DCDC2: variants seen among roughly 807,000 people sequenced by gnomAD.
DCDC2 encodes the protein doublecortin domain containing 2.
In DCDC2, 40 loss-of-function variants were observed where a neutral mutation model predicts 50.2. That is an observed-to-expected ratio of 0.80 (90% confidence interval 0.62 to 1.04). The LOEUF (loss-of-function observed/expected upper bound fraction) is 1.04. Among genes scored for constraint, DCDC2 ranks in the 50% least tolerant of loss-of-function variants. The pLI, the probability that DCDC2 is intolerant of heterozygous loss-of-function variation, is 0.00. For synonymous variants in DCDC2, 234 were observed against 210.6 expected, an observed-to-expected ratio of 1.11 and a Z score of -0.96; for missense variants, 570 against 581.9, an observed-to-expected ratio of 0.98 and a Z score of 0.21.
intron 7 of DCDC2, among the ~76,000 whole-genome samples, chr6:24,260,265 G>A (rs899536756): frequency 7.9e-5 from 12 of 152,114 alleles, no homozygotes; most frequent in African/African-American, 2.2e-4. Flanking sequence ...TTATTAATGG[G>A]TTGCCGGTTC....
chr6:24,184,359 C>T (rs1186076124), intron 8 of DCDC2, among the ~76,000 whole-genome samples: 1 of 151,920 alleles, frequency 6.6e-6, no homozygotes, highest in Non-Finnish European at 1.5e-5. Context: ...ATTAACTGAG[C>T]TCGGGAGTTC....
At chr6:24,254,347 G>C (rs1438581873) in intron 7 of DCDC2, among the ~76,000 whole-genome samples, 2 of 152,038 alleles carry the variant, frequency 1.3e-5, no homozygotes, top group African/African-American at 2.4e-5. Context: ...TCAAGTATTA[G>C]GTACTATTCT....
chr6:24,265,540 A>G (rs1049753668), intron 7 of DCDC2, among the ~76,000 whole-genome samples: 7 of 152,218 alleles, frequency 4.6e-5, no homozygotes, highest in Non-Finnish European at 8.8e-5. Flanking sequence ...AAAAACTCAA[A>G]AAAAATTGAA....
At position 24,316,190 on chromosome 6, in the gene DCDC2, A is replaced by C. The variant is rs531102049; in HGVS notation, c.349-14146T>G. 2.6e-5 allele frequency among the ~76,000 whole-genome samples: 4 copies of C among 152,290 alleles called. No individual in the cohort carries two copies. The South Asian group carries it at 8.3e-4, about 32-fold the overall frequency. On this transcript the variant is annotated intron_variant, in intron 2 of 9. Coordinates refer to ENST00000378454, the MANE Select transcript of DCDC2 (RefSeq NM_016356.5). Reference sequence around the variant, plus strand: ...ATGCAGGCAGGCTGGGGCTCCATGAAGTCAGGGCTAGAGACACAGATGTGG... The same window carrying C: ...ATGCAGGCAGGCTGGGGCTCCATGACGTCAGGGCTAGAGACACAGATGTGG...
rs114851861 is a variant in DCDC2, at chr6:24,350,297, C to T, written c.348+3272G>A. Among the ~76,000 whole-genome samples, 579 of 152,256 alleles carry T rather than the reference C, an allele frequency of 3.8e-3. 3 individuals are homozygous for T. The highest frequency in any genetic ancestry group is 0.011 in the Admixed American group (174 of 15,292). On this transcript the variant is annotated intron_variant, in intron 2 of 9. Coordinates refer to ENST00000378454, the MANE Select transcript of DCDC2 (RefSeq NM_016356.5). ...TATTAACTACGTAAAAGCAACAAATCGTACCCATGGTCTTGGGTGAGCTGC... is the reference window on the plus strand; with the variant it reads ...TATTAACTACGTAAAAGCAACAAATTGTACCCATGGTCTTGGGTGAGCTGC...
chr6:24,375,016 A>T, the DCDC2 span, among the ~76,000 whole-genome samples: 16 of 152,280 alleles, frequency 1.1e-4, no homozygotes, highest in South Asian at 3.3e-3. Flanking sequence ...TGTCTTGGGA[A>T]TCCAAGTCTC....
chr6:24,299,759 A>T (rs939374899), intron 4 of DCDC2, among the ~76,000 whole-genome samples: 2 of 151,642 alleles, frequency 1.3e-5, no homozygotes, highest in Non-Finnish European at 2.9e-5. Flanking sequence ...ACGAAAAAAA[A>T]TTTTTTTTAA....
chr6:24,353,169 A>C (rs1760403400), intron 2 of DCDC2: 1 of 388,800 alleles, frequency 2.6e-6, no homozygotes, highest in African/African-American at 2.1e-5. Flanking sequence ...CCTCAGGGGC[A>C]GTTAGGGTGA....
At chr6:24,200,496 G>A (rs1047597905) in intron 8 of DCDC2, among the ~76,000 whole-genome samples, 2 of 152,120 alleles carry the variant, frequency 1.3e-5, no homozygotes, top group Non-Finnish European at 2.9e-5. Context: ...CCTTACAAGA[G>A]GTCCTGAAGG....
chr6:24,211,242 T>C (rs1347547515), intron 7 of DCDC2, among the ~76,000 whole-genome samples: 1 of 152,238 alleles, frequency 6.6e-6, no homozygotes, highest in Admixed American at 6.5e-5. Flanking sequence ...GCATTAATTC[T>C]TCATGTTCTT....
At chr6:24,359,379 T>A (rs1405584805), upstream of DCDC2, among the ~76,000 whole-genome samples, 1 of 79,024 alleles carries the variant, frequency 1.3e-5, no homozygotes, top group Non-Finnish European at 2.2e-5. Flanking sequence ...TTATATATAT[T>A]TTATATATTA....
chr6:24,341,788 C>A (rs549015599), intron 2 of DCDC2, among the ~76,000 whole-genome samples: 6 of 152,158 alleles, frequency 3.9e-5, no homozygotes, highest in Non-Finnish European at 7.4e-5. Flanking sequence ...AAGCCCAAGT[C>A]CTTGGCCTCA....
At chr6:24,359,553 A>ATTTT, upstream of DCDC2, among the ~76,000 whole-genome samples, 1 of 111,894 alleles carries the variant, frequency 8.9e-6, no homozygotes, top group African/African-American at 3.6e-5. Context: ...TTTTATATAT[A>ATTTT]TTATATATTT....
At chr6:24,316,873 G>A (rs1263215619) in intron 2 of DCDC2, among the ~76,000 whole-genome samples, 2 of 151,698 alleles carry the variant, frequency 1.3e-5, no homozygotes, top group African/African-American at 2.4e-5. Flanking sequence ...TGACAAAGAC[G>A]ATGCAAGTAT....
At chr6:24,284,346 G>A (rs541390894) in intron 6 of DCDC2, among the ~76,000 whole-genome samples, 4 of 152,062 alleles carry the variant, frequency 2.6e-5, no homozygotes, top group African/African-American at 7.2e-5. Flanking sequence ...GGTGGCTCAC[G>A]CCTCTCATCC....
At chr6:24,376,578 A>T in the DCDC2 span, among the ~76,000 whole-genome samples, 1 of 152,142 alleles carries the variant, frequency 6.6e-6, no homozygotes, top group Non-Finnish European at 1.5e-5. Flanking sequence ...TCCTAGAAAT[A>T]ACTGGGGAAA....
intron 7 of DCDC2, among the ~76,000 whole-genome samples, chr6:24,213,809 C>T (rs1477150334): frequency 2.0e-5 from 3 of 152,070 alleles, no homozygotes; most frequent in Non-Finnish European, 4.4e-5. Context: ...AGCCAACTCT[C>T]CTGGGATCCC....
At chr6:24,373,663 G>A in the DCDC2 span, among the ~76,000 whole-genome samples, 1 of 152,176 alleles carries the variant, frequency 6.6e-6, no homozygotes, top group Admixed American at 6.6e-5. Flanking sequence ...GGAGCACATG[G>A]GGTTACTGCA....
intron 2 of DCDC2, among the ~76,000 whole-genome samples, chr6:24,303,216 C>T (rs7771319): frequency 0.02 from 3,024 of 152,090 alleles, 86 homozygotes; most frequent in African/African-American, 0.065. Flanking sequence ...CCTCCCTATC[C>T]TCTCTTCAGG....
Sources: allele counts gnomAD v4.1 joint callset (sites outside exome capture counted in the v4.1 genomes callset), GRCh38; gene constraint gnomAD v4.1.1; transcripts MANE v1.5; gene names NCBI Gene and HGNC (gene_info 2026-07-23, HGNC 2026-07-21).